The following TMEM182 variants were observed in gnomAD, a reference collection of about 807,000 sequenced individuals.
TMEM182 encodes transmembrane protein 182.
A neutral mutation model predicts 26.8 loss-of-function variants in TMEM182; 20 were observed. The ratio of observed to expected loss-of-function variants is 0.75; its 90% CI spans 0.53 to 1.09. The LOEUF is 1.09. Among genes scored for constraint, TMEM182 ranks in the 50% least tolerant of loss-of-function variants. The pLI is 0.00. For synonymous variants in TMEM182, 109 were observed against 102.2 expected, an observed-to-expected ratio of 1.07 and a Z score of -0.40; for missense variants, 277 against 275.5, an observed-to-expected ratio of 1.01 and a Z score of -0.04.
At position 102,815,950 on chromosome 2, in the gene TMEM182, G is replaced by T. The variant is rs111896953; in HGVS notation, c.*982G>T. 6 of 983,812 alleles carry T rather than the reference G, an allele frequency of 6.1e-6. No individual in the cohort carries two copies. In the African/African-American group the frequency reaches 1.0e-4, roughly 17 times the overall value. 60.9% of individuals were successfully genotyped at this position (983,812 alleles called of 1,614,324 possible). A position where few individuals can be genotyped will look rare whatever the true frequency, so the allele number is the denominator to read the frequency against. On this transcript the variant is annotated 3_prime_UTR_variant, in exon 5 of 5. Transcript: ENST00000412401. ...ATAAAATATTAACTTTCCCCAAGATGTTATGGGTTCCAGTTCTTCTGATCA... is the reference window on the plus strand; with the variant it reads ...ATAAAATATTAACTTTCCCCAAGATTTTATGGGTTCCAGTTCTTCTGATCA...
At position 102,775,246 on chromosome 2, in the gene TMEM182, A is replaced by G. The variant is rs1045053012; in HGVS notation, c.331+10819A>G. The G allele has an allele frequency of 3.9e-5, 6 of 152,214 alleles. No individual in the cohort carries two copies. In the South Asian group the frequency reaches 1.0e-3, roughly 26 times the overall value. 9.4% of individuals were successfully genotyped at this position (152,214 alleles called of 1,614,324 possible). ...AGGCTGGTTCAATATATGCAAATCA[A>G]TAAATGTAATCCAGCATATAAACAG... is the stretch of plus-strand genomic sequence containing the variant. On this transcript the variant is annotated intron_variant, in intron 3 of 4. Coordinates refer to ENST00000412401, the MANE Select transcript of TMEM182 (RefSeq NM_144632.5).
rs766277343 is a variant in TMEM182 at position 102,816,559 on chromosome 2, G to A, written c.*1591G>A. The stretch of plus-strand genomic sequence containing the variant: ...TAATAATAATAATAAAGCTCCAGAG[G>A]CCTAACTGGTTTCTCAAGTCATTTC... On this transcript the variant is annotated 3_prime_UTR_variant, in exon 5 of 5. Coordinates refer to ENST00000412401, the MANE Select transcript of TMEM182 (RefSeq NM_144632.5). 9.9e-5 allele frequency: 97 copies of A among 976,522 alleles called. No homozygotes were observed. Among genetic ancestry groups the A allele is most frequent in the Non-Finnish European group, 1.1e-4 (93 of 824,048 alleles). The allele number at this position is 976,522 out of a possible 1,614,324, so 60.5% of individuals were successfully genotyped here.
chr2:102,764,783 C>G (rs1680361440), intron 3 of TMEM182, among the ~76,000 whole-genome samples: 1 of 151,540 alleles, frequency 6.6e-6, no homozygotes, highest in Admixed American at 6.6e-5. Flanking sequence ...CATCATACTT[C>G]TAAAACTTTA....
At chr2:102,779,417 C>A (rs1385942136) in intron 3 of TMEM182, among the ~76,000 whole-genome samples, 7 of 152,040 alleles carry the variant, frequency 4.6e-5, no homozygotes, top group African/African-American at 9.7e-5. Flanking sequence ...CTTTTTCAGC[C>A]CTGTCCTATT....
chr2:102,758,792 T>TATG (rs1392236066), upstream of TMEM182, among the ~76,000 whole-genome samples: 1 of 152,240 alleles, frequency 6.6e-6, no homozygotes, highest in Non-Finnish European at 1.5e-5. Flanking sequence ...AGTTTTATGA[T>TATG]AGCAAAAGTA....
chr2:102,749,568 G>A (rs1446547128), intron 1 of TMEM182, among the ~76,000 whole-genome samples: 1 of 152,084 alleles, frequency 6.6e-6, no homozygotes, highest in African/African-American at 2.4e-5. Flanking sequence ...CTTTGATCAG[G>A]ATAATTTTAT....
chr2:102,799,064 A>G (rs1682001400), intron 4 of TMEM182, among the ~76,000 whole-genome samples: 1 of 152,228 alleles, frequency 6.6e-6, no homozygotes. Context: ...TGGAAACATA[A>G]GCACAGGCTA....
At chr2:102,780,960 A>G (rs1681144203) in intron 3 of TMEM182, among the ~76,000 whole-genome samples, 1 of 152,186 alleles carries the variant, frequency 6.6e-6, no homozygotes, top group Admixed American at 6.5e-5. Context: ...TTCCATCACT[A>G]AGTCTAAAAT....
intron 4 of TMEM182, among the ~76,000 whole-genome samples, chr2:102,801,072 G>T (rs979267958): frequency 6.6e-6 from 1 of 151,874 alleles, no homozygotes; most frequent in Non-Finnish European, 1.5e-5. Flanking sequence ...TGAACCTTGT[G>T]TTGCTTATGG....
chr2:102,774,603 CG>C (rs938618865), intron 3 of TMEM182, among the ~76,000 whole-genome samples: 7 of 152,144 alleles, frequency 4.6e-5, no homozygotes, highest in East Asian at 1.9e-4. Context: ...TTATGAATTA[CG>C]CTTACATTTC....
chr2:102,818,717 T>G (rs1682833715), downstream of TMEM182, among the ~76,000 whole-genome samples: 2 of 151,712 alleles, frequency 1.3e-5, no homozygotes, highest in African/African-American at 4.8e-5. Context: ...TAAGGAGTCA[T>G]ATGATATATC....
At chr2:102,821,473 C>G (rs1036920366), downstream of TMEM182, among the ~76,000 whole-genome samples, 1 of 152,186 alleles carries the variant, frequency 6.6e-6, no homozygotes, top group Non-Finnish European at 1.5e-5. Context: ...ATGTGACATG[C>G]CTGCTCCCTC....
chr2:102,805,921 A>T (rs542187465), intron 4 of TMEM182, among the ~76,000 whole-genome samples: 20 of 152,142 alleles, frequency 1.3e-4, no homozygotes, highest in African/African-American at 4.6e-4. Context: ...AACAAAAAAA[A>T]CCCATACTGT....
chr2:102,815,432 A>G lies in TMEM182; in HGVS notation c.*464A>G. On this transcript the variant is annotated 3_prime_UTR_variant, in exon 5 of 5. Transcript: ENST00000412401. ...CCACACAGATAATATCCACATACAC[A>G]TTCACTGGCTCTTGTGAGCAAATGA... 1.0e-6 allele frequency: 1 copy of G among 989,842 alleles called. No individual in the cohort carries two copies. Among genetic ancestry groups the G allele is most frequent in the Non-Finnish European group, 1.2e-6 (1 of 832,962 alleles). The allele number at this position is 989,842 out of a possible 1,614,324, so 61.3% of individuals were successfully genotyped here.
chr2:102,805,892 G>A (rs568057090), intron 4 of TMEM182, among the ~76,000 whole-genome samples: 5 of 152,016 alleles, frequency 3.3e-5, no homozygotes, highest in East Asian at 1.9e-4. Flanking sequence ...CTGGCAGAGC[G>A]AGATCCTGTC....
Position 102,764,348 on chromosome 2 carries a change from G to T in TMEM182, c.252G>T (p.Lys84Asn), listed in dbSNP as rs751387274. 16 of 1,613,806 alleles carry T rather than the reference G, an allele frequency of 9.9e-6. No homozygotes were observed. The highest frequency in any genetic ancestry group is 1.4e-5 in the Non-Finnish European group (16 of 1,179,834). ...KFWYTNQPPS[K>N]NCTHAYLSPY... ...TCCTAGCCAATCAGCCACCGTCCAA[G>T]AACTGCACACATGCTTACCTGTCTC... The change falls in exon 3 of 5, where the codon AAG (lysine) becomes AAT (asparagine). Residue 84 changes from lysine to asparagine, a missense_variant. Lys to Asn is a moderately conservative substitution (Grantham distance 94). Coordinates refer to ENST00000412401, the MANE Select transcript of TMEM182 (RefSeq NM_144632.5).
chr2:102,747,191 C>T (rs186934553), intron 1 of TMEM182, among the ~76,000 whole-genome samples: 12 of 152,200 alleles, frequency 7.9e-5, no homozygotes, highest in Admixed American at 3.3e-4. Flanking sequence ...ATGCATAGGA[C>T]GGTACATAGT....
chr2:102,814,723 C>A, intron 4 of TMEM182, 25 bp from the exon 5 acceptor site: 1 of 1,595,262 alleles, frequency 6.3e-7, no homozygotes, highest in South Asian at 1.1e-5. Flanking sequence ...GAAAGGCTAA[C>A]AGTCTTCTGT....
At chr2:102,802,329 A>G (rs949992893) in intron 4 of TMEM182, among the ~76,000 whole-genome samples, 2 of 152,210 alleles carry the variant, frequency 1.3e-5, no homozygotes, top group African/African-American at 2.4e-5. Flanking sequence ...TGCTGGGTCA[A>G]CAGGCTCAGA....
Sources: allele counts gnomAD v4.1 joint callset (sites outside exome capture counted in the v4.1 genomes callset), GRCh38; gene constraint gnomAD v4.1.1; transcripts MANE v1.5; gene names NCBI Gene and HGNC (gene_info 2026-07-23, HGNC 2026-07-21).